PCCA: variants seen among roughly 807,000 people sequenced by gnomAD.
The protein encoded by PCCA is propionyl-CoA carboxylase alpha chain, mitochondrial.
A neutral mutation model predicts 101.3 loss-of-function variants in PCCA; 74 were observed. That is an observed-to-expected ratio of 0.73 (90% CI 0.61 to 0.89). PCCA has a LOEUF of 0.89. PCCA is among the 40% of genes least tolerant of loss of function. PCCA has a pLI of 0.00. For synonymous variants in PCCA, 294 were observed against 313.6 expected (o/e 0.94, Z 0.66); for missense variants, 891 against 907.0 (o/e 0.98, Z 0.23).
At chr13:100,383,092 TG>T (rs1320040989) in intron 19 of PCCA, among the ~76,000 whole-genome samples, 1 of 151,990 alleles carries the variant, frequency 6.6e-6, no homozygotes, top group Non-Finnish European at 1.5e-5. Context: ...TGTGGTAGCA[TG>T]GGGGAGAGCA....
At chr13:100,259,091 A>G (rs1222306514) in intron 9 of PCCA, among the ~76,000 whole-genome samples, 3 of 152,146 alleles carry the variant, frequency 2.0e-5, no homozygotes, top group African/African-American at 7.2e-5. Flanking sequence ...ACCACAACTT[A>G]TCCACCCCTT....
chr13:100,513,419 C>T (rs2086623933), intron 21 of PCCA, among the ~76,000 whole-genome samples: 1 of 152,184 alleles, frequency 6.6e-6, no homozygotes, highest in Non-Finnish European at 1.5e-5. Context: ...AAGACTGCAT[C>T]TAAAGGCATT....
At chr13:100,364,740 A>G (rs766520346) in intron 18 of PCCA, among the ~76,000 whole-genome samples, 1 of 152,316 alleles carries the variant, frequency 6.6e-6, no homozygotes, top group African/African-American at 2.4e-5. Context: ...TCCTGTTAAC[A>G]TATCACCCTG....
At chr13:100,435,535 T>A (rs143741974) in intron 20 of PCCA, among the ~76,000 whole-genome samples, 1 of 152,372 alleles carries the variant, frequency 6.6e-6, no homozygotes, top group East Asian at 1.9e-4. Context: ...CGTGTATTCA[T>A]GTTCCTGGTT....
chr13:100,228,332 C>A (rs570212604), intron 7 of PCCA, among the ~76,000 whole-genome samples: 41 of 152,172 alleles, frequency 2.7e-4, no homozygotes, highest in Admixed American at 1.4e-3. Flanking sequence ...ACTTTTCTTC[C>A]ACTTTGGGGA....
chr13:100,425,671 G>T lies in PCCA; in HGVS notation c.1785G>T (p.Thr595=), dbSNP rs766312551. 1 of 1,614,124 alleles carries T rather than the reference G, an allele frequency of 6.2e-7. No individual in the cohort carries two copies. Among genetic ancestry groups the T allele is most frequent in the Non-Finnish European group, 8.5e-7 (1 of 1,179,948 alleles). The change falls in exon 20 of 24, where the codon ACG becomes ACT. Residue 595 remains threonine, a synonymous_variant. Coordinates refer to ENST00000376285, the MANE Select transcript of PCCA (RefSeq NM_000282.4). The part of the protein sequence containing the change: ...VDGSKLNVTS[T]WNLASPLLSV... ...GGTCGAAACTAAATGTGACCAGCAC[G>T]TGGAACCTGGCTTCGCCCTTATTGT...
chr13:100,142,924 T>C (rs2052064260), intron 4 of PCCA, among the ~76,000 whole-genome samples: 1 of 152,212 alleles, frequency 6.6e-6, no homozygotes, highest in Non-Finnish European at 1.5e-5. Flanking sequence ...ACAGTGCCGC[T>C]GGAGATGGGT....
chr13:100,358,970 G>A (rs1014291067), intron 18 of PCCA, among the ~76,000 whole-genome samples: 9 of 151,964 alleles, frequency 5.9e-5, no homozygotes, highest in South Asian at 2.1e-4. Flanking sequence ...GGTGGTGCAC[G>A]CCTGTAATCC....
intron 19 of PCCA, among the ~76,000 whole-genome samples, chr13:100,391,073 A>G (rs1267457311): frequency 6.6e-6 from 1 of 151,700 alleles, no homozygotes; most frequent in Non-Finnish European, 1.5e-5. Context: ...GCTGGAGTGC[A>G]GTGGCACGAT....
intron 18 of PCCA, among the ~76,000 whole-genome samples, chr13:100,341,461 A>G (rs1221048654): frequency 6.6e-6 from 1 of 152,124 alleles, no homozygotes; most frequent in Non-Finnish European, 1.5e-5. Context: ...ATGTATGGCA[A>G]TTAAGATTAA....
intron 8 of PCCA, 68 bp downstream of exon 8, chr13:100,235,946 A>C: frequency 6.4e-6 from 6 of 932,126 alleles, no homozygotes; most frequent in Non-Finnish European, 1.1e-5. Flanking sequence ...GTCAACAGGT[A>C]ATAAGTAATT....
intron 6 of PCCA, among the ~76,000 whole-genome samples, chr13:100,171,390 A>G (rs543479858): frequency 6.6e-6 from 1 of 152,280 alleles, no homozygotes; most frequent in South Asian, 2.1e-4. Flanking sequence ...GCCTCTTGAG[A>G]TAGGGTGATG....
At chr13:100,424,864 A>G (rs984526131) in intron 19 of PCCA, among the ~76,000 whole-genome samples, 10 of 152,226 alleles carry the variant, frequency 6.6e-5, no homozygotes, top group Non-Finnish European at 1.2e-4. Context: ...TCTACCATAT[A>G]ATAATAATGT....
At chr13:100,472,098 G>C (rs527372580) in intron 21 of PCCA, among the ~76,000 whole-genome samples, 12 of 152,252 alleles carry the variant, frequency 7.9e-5, no homozygotes, top group African/African-American at 2.6e-4. Context: ...CCTGCTGATG[G>C]GGCTGCGTTC....
intron 21 of PCCA, among the ~76,000 whole-genome samples, chr13:100,482,456 A>T (rs2084015602): frequency 6.6e-6 from 1 of 152,212 alleles, no homozygotes; most frequent in Non-Finnish European, 1.5e-5. Flanking sequence ...TGTGATGAGA[A>T]GAGCGCTGTC....
chr13:100,329,128 A>G (rs1280437043), intron 16 of PCCA, among the ~76,000 whole-genome samples: 3 of 151,854 alleles, frequency 2.0e-5, no homozygotes, highest in Admixed American at 6.6e-5. Flanking sequence ...ATTGGAATAC[A>G]TTCTTAAATA....
intron 23 of PCCA, among the ~76,000 whole-genome samples, chr13:100,528,687 A>G (rs2153009353): frequency 6.6e-6 from 1 of 152,292 alleles, no homozygotes; most frequent in East Asian, 1.9e-4. Flanking sequence ...AGGGGTGTGG[A>G]CAGTTGCACT....
intron 4 of PCCA, among the ~76,000 whole-genome samples, chr13:100,117,575 A>C (rs2048917346): frequency 6.6e-6 from 1 of 152,096 alleles, no homozygotes; most frequent in Non-Finnish European, 1.5e-5. Flanking sequence ...TTGAACAATG[A>C]AGACACTTGG....
At chr13:100,417,717 C>T (rs949593845) in intron 19 of PCCA, among the ~76,000 whole-genome samples, 4 of 152,144 alleles carry the variant, frequency 2.6e-5, no homozygotes, top group African/African-American at 9.7e-5. Flanking sequence ...CCAGCCCCTT[C>T]CACTGTGCCC....
Sources: gnomAD v4.1 joint callset for allele counts (sites outside exome capture counted in the v4.1 genomes callset) on GRCh38, gnomAD v4.1.1 for gene constraint, MANE v1.5 for transcripts, NCBI Gene and HGNC (gene_info 2026-07-23, HGNC 2026-07-21) for gene names.